NEK10: variants seen among roughly 807,000 people sequenced by gnomAD.
NEK10 encodes NIMA related kinase 10.
NEK10 carries 122 observed loss-of-function variants against 159.8 expected under a neutral mutation model. That is an observed-to-expected ratio of 0.76 (90% CI 0.66 to 0.89). The LOEUF is 0.89. Ranked by LOEUF, NEK10 falls within the 40% of genes least tolerant of loss-of-function variation. The pLI, the probability that NEK10 is intolerant of heterozygous loss-of-function variation, is 0.00. For synonymous variants in NEK10, 466 were observed against 457.1 expected, an observed-to-expected ratio of 1.02 and a Z score of -0.25; for missense variants, 1,342 against 1,323.1, an observed-to-expected ratio of 1.01 and a Z score of -0.22.
intron 23 of NEK10, among the ~76,000 whole-genome samples, chr3:27,240,803 C>A (rs1337043635): frequency 6.6e-6 from 1 of 152,052 alleles, no homozygotes; most frequent in Non-Finnish European, 1.5e-5. Flanking sequence ...AGGTGTGCAC[C>A]ACCACGCCTG....
intron 5 of NEK10, among the ~76,000 whole-genome samples, chr3:27,331,247 A>AAAC (rs1170721517): frequency 7.8e-6 from 1 of 127,660 alleles, no homozygotes; most frequent in African/African-American, 2.6e-5. Flanking sequence ...CAAAAAAAAA[A>AAAC]AAACAAAAAA....
At chr3:27,305,626 A>AT (rs63334461) in intron 11 of NEK10, among the ~76,000 whole-genome samples, 50,664 of 110,908 alleles carry the variant, frequency 0.46, 10,804 homozygotes, top group African/African-American at 0.68. Flanking sequence ...AAAAAAAAAA[A>AT]AAAATAATAA....
intron 8 of NEK10, 167 bp downstream of exon 8, chr3:27,311,932 G>T: frequency 1.7e-6 from 1 of 588,788 alleles, no homozygotes; most frequent in Non-Finnish European, 3.1e-6. Context: ...CTTTCTTCTG[G>T]CTGTATGTTG....
At chr3:27,289,524 A>G (rs770229032) in intron 19 of NEK10, among the ~76,000 whole-genome samples, 7 of 152,218 alleles carry the variant, frequency 4.6e-5, no homozygotes, top group Non-Finnish European at 7.3e-5. Flanking sequence ...AAAACAAATA[A>G]TCTACTGCAT....
intron 23 of NEK10, among the ~76,000 whole-genome samples, chr3:27,241,138 G>A (rs975730222): frequency 3.8e-4 from 58 of 152,098 alleles, no homozygotes; most frequent in African/African-American, 1.4e-3. Context: ...AGACTTCAGG[G>A]ACATCTTTAA....
In NEK10 at chr3:27,284,582, T is replaced by A. The variant is rs2042436629; in HGVS notation, c.2014+20A>T. On this transcript the variant is annotated intron_variant, in intron 22 of 35. Transcript: ENST00000691995. Reference sequence around the variant, plus strand: ...ATTCAGGAATTCTTCAGTTAAAAGTTTAAAAATCTTTATACTTACTAACGG... The same window carrying A: ...ATTCAGGAATTCTTCAGTTAAAAGTATAAAAATCTTTATACTTACTAACGG... 1 of 1,380,128 alleles carries A rather than the reference T, an allele frequency of 7.2e-7. No individual in the cohort carries two copies. The highest frequency in any genetic ancestry group is 1.7e-5 in the Admixed American group (1 of 59,588). The allele number at this position is 1,380,128 out of a possible 1,614,324, so 85.5% of individuals were successfully genotyped here. A position where few individuals can be genotyped will look rare whatever the true frequency, so the allele number is the denominator to read the frequency against.
intron 22 of NEK10, among the ~76,000 whole-genome samples, chr3:27,276,406 C>T (rs778628511): frequency 6.6e-6 from 1 of 152,008 alleles, no homozygotes; most frequent in Non-Finnish European, 1.5e-5. Context: ...AAGAGCATTC[C>T]AGGCAGAGGG....
intron 13 of NEK10, among the ~76,000 whole-genome samples, chr3:27,297,647 TA>T: frequency 6.6e-6 from 1 of 152,320 alleles, no homozygotes; most frequent in East Asian, 1.9e-4. Flanking sequence ...TCAATCCTTA[TA>T]ATAAGAGTAT....
At chr3:27,368,274 C>T (rs1309881690) in intron 1 of NEK10, among the ~76,000 whole-genome samples, 1 of 151,804 alleles carries the variant, frequency 6.6e-6, no homozygotes, top group Non-Finnish European at 1.5e-5. Flanking sequence ...CCTGGCAGCA[C>T]AGCAAGACTC....
chr3:27,175,750 G>T (rs1258427398), intron 26 of NEK10, among the ~76,000 whole-genome samples: 1 of 152,140 alleles, frequency 6.6e-6, no homozygotes, highest in East Asian at 1.9e-4. Flanking sequence ...TACAGATCAG[G>T]TAGACAAAAA....
chr3:27,287,113 T>G (rs909210139), intron 20 of NEK10, among the ~76,000 whole-genome samples: 2 of 148,412 alleles, frequency 1.3e-5, no homozygotes, highest in African/African-American at 2.5e-5. Flanking sequence ...AATACTTGTA[T>G]TATTTCTGTC....
At chr3:27,301,968 A>C (rs2043859494) in intron 12 of NEK10, 133 bp from the exon 13 acceptor site, 1 of 681,022 alleles carries the variant, frequency 1.5e-6, no homozygotes, top group Non-Finnish European at 2.5e-6. Flanking sequence ...TTTCCAATCC[A>C]CCTGGAATTG....
chr3:27,216,041 T>C, intron 23 of NEK10: 1 of 463,560 alleles, frequency 2.2e-6, no homozygotes, highest in Non-Finnish European at 3.8e-6. Context: ...CCAAACCATA[T>C]CAGAAAGTAT....
intron 11 of NEK10, among the ~76,000 whole-genome samples, chr3:27,306,648 T>C (rs546508681): frequency 6.8e-4 from 104 of 152,298 alleles, no homozygotes; most frequent in Non-Finnish European, 1.2e-3. Flanking sequence ...TCAGAGACCA[T>C]CATGACCTGG....
intron 30 of NEK10, among the ~76,000 whole-genome samples, chr3:27,159,326 T>C (rs1177728191): frequency 1.3e-5 from 2 of 152,212 alleles, no homozygotes; most frequent in African/African-American, 4.8e-5. Flanking sequence ...ACAATGGTTA[T>C]CTACTTATGG....
chr3:27,244,555 T>C (rs148107972), intron 23 of NEK10, among the ~76,000 whole-genome samples: 1 of 152,290 alleles, frequency 6.6e-6, no homozygotes, highest in African/African-American at 2.4e-5. Flanking sequence ...ATTTCTGACA[T>C]GGGCCACGAG....
intron 23 of NEK10, among the ~76,000 whole-genome samples, chr3:27,229,556 G>A (rs879542137): frequency 6.6e-6 from 1 of 152,024 alleles, no homozygotes; most frequent in Admixed American, 6.6e-5. Flanking sequence ...AATTCAGAAG[G>A]TTGATTATTA....
At chr3:27,215,153 A>T in intron 23 of NEK10, 1 of 333,710 alleles carries the variant, frequency 3.0e-6, no homozygotes, top group Non-Finnish European at 5.6e-6. Context: ...ACACCATCAA[A>T]ATTAGTCTTA....
intron 5 of NEK10, among the ~76,000 whole-genome samples, chr3:27,334,556 TC>T (rs1250376821): frequency 6.6e-6 from 1 of 152,032 alleles, no homozygotes; most frequent in Non-Finnish European, 1.5e-5. Flanking sequence ...TGTCCCAGTC[TC>T]CACCAAAACT....
Sources: gnomAD v4.1 joint callset for allele counts (sites outside exome capture counted in the v4.1 genomes callset) on GRCh38, gnomAD v4.1.1 for gene constraint, MANE v1.5 for transcripts, NCBI Gene and HGNC (gene_info 2026-07-23, HGNC 2026-07-21) for gene names.